The following CDK13 variants were observed in gnomAD, a reference collection of about 807,000 sequenced individuals.
CDK13 encodes cyclin-dependent kinase 13.
CDK13 carries 40 observed loss-of-function variants against 137.6 expected under a neutral mutation model. That is an observed-to-expected ratio of 0.29 (90% CI 0.23 to 0.38). The LOEUF is 0.38. Ranked by LOEUF, CDK13 falls within the 10% of genes least tolerant of loss-of-function variation. The probability of loss-of-function intolerance (pLI) is 1.00; values close to 1 mark genes in which losing one functional copy is unlikely to be tolerated. For missense variants in CDK13, 1,704 were observed against 1,951.8 expected (o/e 0.87, Z 2.39); for synonymous variants, 869 against 760.1 (o/e 1.14, Z -2.36).
At chr7:39,979,185 AG>A (rs1260309339) in intron 1 of CDK13, among the ~76,000 whole-genome samples, 2 of 151,246 alleles carry the variant, frequency 1.3e-5, no homozygotes, top group Admixed American at 6.6e-5. Flanking sequence ...AAAAAAGACT[AG>A]TAACGTAGAT....
Position 39,950,791 on chromosome 7 carries a change from A to ACCGCCG in CDK13, c.156_161dup (p.Pro56_Pro57dup). 6.8e-7 allele frequency: 1 copy of ACCGCCG among 1,463,520 alleles called. No individual in the cohort carries two copies. The highest frequency in any genetic ancestry group is 9.0e-7 in the Non-Finnish European group (1 of 1,114,716). 90.7% of individuals were successfully genotyped at this position (1,463,520 alleles called of 1,614,324 possible). A position where few individuals can be genotyped will look rare whatever the true frequency, so the allele number is the denominator to read the frequency against. On this transcript the variant is annotated inframe_insertion, in exon 1 of 14. Transcript: ENST00000181839. ...CGCTCCTGCAGCCGCAGCTCCTGCA[A>ACCGCCG]CCGCCGCCGCCCCCGCCGCCTCTGC... is the stretch of plus-strand genomic sequence containing the variant.
At chr7:40,087,015 A>G (rs1220391896) in intron 11 of CDK13, among the ~76,000 whole-genome samples, 1 of 151,878 alleles carries the variant, frequency 6.6e-6, no homozygotes, top group South Asian at 2.1e-4. Flanking sequence ...CATGTTGCCC[A>G]TGCTGGTGAA....
intron 2 of CDK13, among the ~76,000 whole-genome samples, chr7:39,996,277 C>T (rs1382402051): frequency 6.6e-6 from 1 of 152,058 alleles, no homozygotes; most frequent in Non-Finnish European, 1.5e-5. Context: ...AGTGTAGTTG[C>T]AATAAATTTT....
intron 5 of CDK13, among the ~76,000 whole-genome samples, chr7:40,025,045 A>G (rs530715284): frequency 6.6e-6 from 1 of 152,278 alleles, no homozygotes. Flanking sequence ...TCAGATAGCT[A>G]CAGCTATTCA....
intron 1 of CDK13, among the ~76,000 whole-genome samples, chr7:39,980,874 G>A (rs141120082): frequency 9.0e-4 from 137 of 152,238 alleles, no homozygotes; most frequent in Non-Finnish European, 1.7e-3. Context: ...GTCTAACAAC[G>A]AGCACTAACC....
At position 40,045,929 on chromosome 7, in the gene CDK13, C is replaced by A; in HGVS notation, c.2447C>A (p.Ser816Ter). ...LVHFNENHIK[S>*]FMRQLMEGLD... ...CATTTTAATGAAAATCACATAAAGT[C>A]ATTTATGAGACAGCTCATGGAGGGT... The change falls in exon 6 of 14, where the codon TCA (serine) becomes TAA (stop). Residue 816 changes from serine (S) to a stop codon, truncating the protein, a stop_gained. Transcript: ENST00000181839. LOFTEE classifies it high-confidence loss of function. 6.2e-7 allele frequency: 1 copy of A among 1,609,340 alleles called. No homozygotes were observed. Among genetic ancestry groups the A allele is most frequent in the South Asian group, 1.1e-5 (1 of 90,948 alleles).
chr7:39,988,106 A>G lies in CDK13; in HGVS notation c.1719A>G (p.Thr573=), dbSNP rs369518465. The G allele has an allele frequency of 1.1e-5, 18 of 1,614,054 alleles. No individual in the cohort carries two copies. Among genetic ancestry groups the G allele is most frequent in the Non-Finnish European group, 1.4e-5 (17 of 1,180,036 alleles). Reference sequence around the variant, plus strand: ...GAAAGGAGAGTAAATCTGCTGCTACAAAGGAGGAATCAGTATCTCTTAAAG... The same window carrying G: ...GAAAGGAGAGTAAATCTGCTGCTACGAAGGAGGAATCAGTATCTCTTAAAG... ...IVGKESKSAA[T]KEESVSLKEK... Residue 573 remains threonine, a synonymous_variant, in exon 2 of 14, where the codon ACA becomes ACG. Coordinates refer to ENST00000181839, the MANE Select transcript of CDK13 (RefSeq NM_003718.5).
chr7:40,049,431 A>C (rs980906366), intron 7 of CDK13, among the ~76,000 whole-genome samples: 9 of 151,122 alleles, frequency 6.0e-5, no homozygotes, highest in African/African-American at 2.2e-4. Flanking sequence ...GAAGTTTAAA[A>C]CTGTTTTAAA....
At chr7:39,958,202 G>T (rs1481568550) in intron 1 of CDK13, among the ~76,000 whole-genome samples, 1 of 147,520 alleles carries the variant, frequency 6.8e-6, no homozygotes, top group Non-Finnish European at 1.5e-5. Context: ...ACCGAAAATG[G>T]TAAATGATCT....
chr7:39,988,243 A>G lies in CDK13; in HGVS notation c.1856A>G (p.Asp619Gly). 1 of 1,596,844 alleles carries G rather than the reference A, an allele frequency of 6.3e-7. No homozygotes were observed. The highest frequency in any genetic ancestry group is 1.1e-5 in the South Asian group (1 of 87,346). ...PLPLPPMLPE[D>G]KEADSLRGNI... ...CCTTTGCCTCCCATGCTGCCTGAAGATAAAGAAGCTGATAGGTAAGTGCAA... is the reference window on the plus strand; with the variant it reads ...CCTTTGCCTCCCATGCTGCCTGAAGGTAAAGAAGCTGATAGGTAAGTGCAA... The change falls in exon 2 of 14, where the codon GAT (aspartate) becomes GGT (glycine). Residue 619 changes from aspartate to glycine, a missense_variant. By Grantham distance (94) the Asp-to-Gly change is moderately conservative. This residue lies in a region of CDK13 where 1,051 missense variants were observed against 931.0 expected (regional missense o/e 1.13). Transcript: ENST00000181839.
intron 8 of CDK13, 34 bp downstream of exon 8, chr7:40,062,961 T>G: frequency 6.2e-7 from 1 of 1,604,858 alleles, no homozygotes; most frequent in Non-Finnish European, 8.5e-7. Flanking sequence ...TTATTTTACT[T>G]GAAACTTTTG....
rs1786951890 is a variant in CDK13 at position 40,092,691 on chromosome 7, T to C, written c.3236-94T>C. The C allele has an allele frequency of 3.7e-6, 3 of 803,822 alleles. No individual in the cohort carries two copies. In the East Asian group the frequency reaches 7.7e-5, roughly 21 times the overall value. The allele number at this position is 803,822 out of a possible 1,614,324, so 49.8% of individuals were successfully genotyped here. On this transcript the variant is annotated intron_variant, in intron 12 of 13. Coordinates refer to ENST00000181839, the MANE Select transcript of CDK13 (RefSeq NM_003718.5). ...TTTCTTAAATACTCTCCCTCAAATA[T>C]ATATTTTCATATGGTAATACAGAGC... is the stretch of plus-strand genomic sequence containing the variant.
In CDK13 at chr7:40,020,851, G is replaced by A. The variant is rs575961072; in HGVS notation, c.2353+18820G>A. 2.0e-5 allele frequency among the ~76,000 whole-genome samples: 3 copies of A among 152,218 alleles called. No individual in the cohort carries two copies. The East Asian group carries it at 5.8e-4, about 30-fold the overall frequency. ...CTCACGCCCATAATCCCAGCACTTT[G>A]GGAGGCCAAGGTGGGTGGATCACAA... On this transcript the variant is annotated intron_variant, in intron 5 of 13. Coordinates refer to ENST00000181839, the MANE Select transcript of CDK13 (RefSeq NM_003718.5).
In CDK13 at chr7:39,998,442, C is replaced by CAAAAAAAAAAAA. The variant is rs1784609425; in HGVS notation, c.2042+778_2042+779insAAAAAAAAAAAA. 5.5e-5 allele frequency: 4 copies of CAAAAAAAAAAAA among 72,618 alleles called. 2 individuals are homozygous for CAAAAAAAAAAAA. The highest frequency in any genetic ancestry group is 3.0e-4 in the African/African-American group (4 of 13,404). The allele number at this position is 72,618 out of a possible 1,614,324, so 4.5% of individuals were successfully genotyped here. Reference sequence around the variant, plus strand: ...GCAACACAGGGAGACCCCATCTCTACCAAAAAAAAAAAAAAAAAAAAAAAA... The same window carrying CAAAAAAAAAAAA: ...GCAACACAGGGAGACCCCATCTCTACAAAAAAAAAAAACAAAAAAAAAAAAAAAAAAAAAAAA... On this transcript the variant is annotated intron_variant, in intron 3 of 13. Transcript: ENST00000181839.
chr7:40,078,085 A>G lies in CDK13; in HGVS notation c.2861A>G (p.Lys954Arg), dbSNP rs768549845. Reference sequence around the variant, plus strand: ...TATTTCAACACCATGAAACCAAAGAAGCAATATCGTCGAAAGTTAAGAGAA... The same window carrying G: ...TATTTCAACACCATGAAACCAAAGAGGCAATATCGTCGAAAGTTAAGAGAA... ...LPYFNTMKPKKQYRRKLREEF... is the reference protein window; with the variant it reads ...LPYFNTMKPKRQYRRKLREEF... The change falls in exon 10 of 14, where the codon AAG (lysine) becomes AGG (arginine). Residue 954 changes from lysine (K) to arginine (R), a missense_variant. This residue lies in a region of CDK13 where 130 missense variants were observed against 362.4 expected (regional missense o/e 0.36). Coordinates refer to ENST00000181839, the MANE Select transcript of CDK13 (RefSeq NM_003718.5). 1 of 1,602,944 alleles carries G rather than the reference A, an allele frequency of 6.2e-7. No homozygotes were observed. The highest frequency in any genetic ancestry group is 1.1e-5 in the South Asian group (1 of 89,264).
intron 5 of CDK13, among the ~76,000 whole-genome samples, chr7:40,040,895 A>C (rs1454475654): frequency 6.6e-6 from 1 of 152,182 alleles, no homozygotes; most frequent in African/African-American, 2.4e-5. Context: ...TCTGCATTTA[A>C]AGATAGTTTT....
chr7:40,029,299 A>G (rs961583175), intron 5 of CDK13, among the ~76,000 whole-genome samples: 2 of 151,914 alleles, frequency 1.3e-5, no homozygotes, highest in African/African-American at 4.8e-5. Flanking sequence ...GTGGTGATGG[A>G]CGCCTGTAGC....
At chr7:40,052,934 C>T (rs1785925469) in intron 7 of CDK13, among the ~76,000 whole-genome samples, 1 of 151,968 alleles carries the variant, frequency 6.6e-6, no homozygotes, top group Non-Finnish European at 1.5e-5. Flanking sequence ...TTCTGAGAAT[C>T]ACTAGACAAG....
chr7:40,036,554 G>A (rs189937210), intron 5 of CDK13, among the ~76,000 whole-genome samples: 166 of 152,270 alleles, frequency 1.1e-3, no homozygotes, highest in Non-Finnish European at 2.0e-3. Flanking sequence ...CTGGGTGACA[G>A]CGCGAGACTC....
Sources: gnomAD v4.1 joint callset for allele counts (sites outside exome capture counted in the v4.1 genomes callset) on GRCh38, gnomAD v4.1.1 for gene constraint, gnomAD v4.1.1 regional missense constraint, MANE v1.5 for transcripts, NCBI Gene and HGNC (gene_info 2026-07-23, HGNC 2026-07-21) for gene names.